The following KATNBL1 variants were observed in gnomAD, a reference collection of about 807,000 sequenced individuals.
KATNBL1 encodes the protein katanin regulatory subunit B1 like 1.
A neutral mutation model predicts 44.7 loss-of-function variants in KATNBL1; 28 were observed. The observed-to-expected ratio is 0.63, with a 90% CI of 0.46 to 0.86. The LOEUF (loss-of-function observed/expected upper bound fraction) is 0.86, where lower values mean the gene tolerates loss of function less well. KATNBL1 is among the 40% of genes least tolerant of loss of function. KATNBL1 has a pLI of 0.00. For missense variants in KATNBL1, 272 were observed against 350.7 expected, an observed-to-expected ratio of 0.78 and a Z score of 1.79; for synonymous variants, 78 against 114.9, an observed-to-expected ratio of 0.68 and a Z score of 2.06.
At chr15:34,143,793 CAAAAAAA>C (rs560420668) in intron 9 of KATNBL1, among the ~76,000 whole-genome samples, 16 of 64,156 alleles carry the variant, frequency 2.5e-4, no homozygotes, top group East Asian at 4.8e-4. Context: ...ACTAAAAATA[CAAAAAAA>C]AAAAAAAAAA....
chr15:34,195,900 T>C (rs1043382673), intron 1 of KATNBL1, among the ~76,000 whole-genome samples: 1 of 152,152 alleles, frequency 6.6e-6, no homozygotes, highest in East Asian at 1.9e-4. Flanking sequence ...AAAGTAACTT[T>C]GTGATTTATG....
At position 34,208,701 on chromosome 15, in the gene KATNBL1, C is replaced by T. The variant is rs567110908; in HGVS notation, c.-15+1250G>A. 2.0e-5 allele frequency: 3 copies of T among 152,330 alleles called. No homozygotes were observed. The South Asian group carries it at 6.2e-4, about 32-fold the overall frequency. 9.4% of individuals were successfully genotyped at this position (152,330 alleles called of 1,614,324 possible). ...AGTCAATGGATTTTTTGCTCAGGCA[C>T]AAACCTTAAGTATAATCATCAAGAG... On this transcript the variant is annotated intron_variant, in intron 1 of 9. Transcript: ENST00000256544.
intron 1 of KATNBL1, among the ~76,000 whole-genome samples, chr15:34,197,580 T>C (rs1265132909): frequency 6.6e-6 from 1 of 152,234 alleles, no homozygotes; most frequent in African/African-American, 2.4e-5. Context: ...TATGTGCATA[T>C]GTAGCACAGA....
intron 1 of KATNBL1, among the ~76,000 whole-genome samples, chr15:34,166,385 G>C (rs1048873919): frequency 2.0e-5 from 3 of 152,252 alleles, no homozygotes; most frequent in African/African-American, 7.2e-5. Context: ...GGCAGGGGGA[G>C]GGGCGTCCGC....
At chr15:34,181,593 C>CATATATAT (rs1567531922) in intron 1 of KATNBL1, among the ~76,000 whole-genome samples, 505 of 32,034 alleles carry the variant, frequency 0.016, 21 homozygotes, top group African/African-American at 0.029. Context: ...CATATATATA[C>CATATATAT]ACATATATAT....
Position 34,142,289 on chromosome 15 carries a change from A to G in KATNBL1, c.*50T>C. ...GACTTTTTTTTTTTGTAAATTATAC[A>G]GTTCAGGGATGTTTTGAAAAACCAA... On this transcript the variant is annotated 3_prime_UTR_variant, in exon 10 of 10. Coordinates refer to ENST00000256544, the MANE Select transcript of KATNBL1 (RefSeq NM_024713.3). 1.3e-6 allele frequency: 2 copies of G among 1,494,542 alleles called. No individual in the cohort carries two copies. Among genetic ancestry groups the G allele is most frequent in the Non-Finnish European group, 1.8e-6 (2 of 1,121,776 alleles). 92.6% of individuals were successfully genotyped at this position (1,494,542 alleles called of 1,614,324 possible).
chr15:34,143,621 T>A (rs1888216475), intron 9 of KATNBL1, among the ~76,000 whole-genome samples: 1 of 151,026 alleles, frequency 6.6e-6, no homozygotes, highest in African/African-American at 2.5e-5. Flanking sequence ...AAAAACTTTC[T>A]AGGAGATTGA....
chr15:34,145,200 T>A (rs781675029), intron 9 of KATNBL1, 198 bp downstream of exon 9: 25 of 1,373,602 alleles, frequency 1.8e-5, no homozygotes, highest in Non-Finnish European at 2.2e-5. Flanking sequence ...TGAAACATGT[T>A]CAATGGCCAA....
At chr15:34,159,392 T>C (rs1340965660) in intron 2 of KATNBL1, among the ~76,000 whole-genome samples, 2 of 152,126 alleles carry the variant, frequency 1.3e-5, no homozygotes, top group African/African-American at 4.8e-5. Flanking sequence ...GGGTGGGTGG[T>C]TTGGACTATC....
Position 34,154,975 on chromosome 15 carries a change from G to A in KATNBL1, c.118-291C>T, listed in dbSNP as rs1888596892. ...TGGGTATGAGGCAGAGTGGCGGGGT[G>A]AGCAGTTTAGGCAGGAAGGATGGTT... On this transcript the variant is annotated intron_variant, in intron 2 of 9. Transcript: ENST00000256544. 1.0e-5 allele frequency: 4 copies of A among 395,082 alleles called. No homozygotes were observed. The South Asian group carries it at 1.1e-4, about 11-fold the overall frequency. 24.5% of individuals were successfully genotyped at this position (395,082 alleles called of 1,614,324 possible).
intron 1 of KATNBL1, among the ~76,000 whole-genome samples, chr15:34,169,807 C>G (rs991512922): frequency 6.6e-6 from 1 of 152,190 alleles, no homozygotes; most frequent in Admixed American, 6.6e-5. Flanking sequence ...TAAACGTAAT[C>G]CATCGCATAA....
chr15:34,177,951 T>C (rs1889385583), intron 1 of KATNBL1: 4 of 152,222 alleles, frequency 2.6e-5, no homozygotes, highest in Admixed American at 2.6e-4. Context: ...GCAAAGGGTA[T>C]GTGTAGTTAT....
At chr15:34,191,289 TTAACA>T (rs1284721756) in intron 1 of KATNBL1, among the ~76,000 whole-genome samples, 1 of 151,702 alleles carries the variant, frequency 6.6e-6, no homozygotes, top group African/African-American at 2.4e-5. Flanking sequence ...TAACAGACTG[TTAACA>T]TAACAGTCTA....
chr15:34,161,565 C>A (rs1888807763), intron 2 of KATNBL1, among the ~76,000 whole-genome samples: 1 of 152,238 alleles, frequency 6.6e-6, no homozygotes, highest in Non-Finnish European at 1.5e-5. Context: ...TGCAAAAGCA[C>A]ACTGGACAAG....
chr15:34,174,695 G>C (rs1041896474), intron 1 of KATNBL1, among the ~76,000 whole-genome samples: 2 of 151,416 alleles, frequency 1.3e-5, no homozygotes, highest in African/African-American at 4.9e-5. Context: ...TCGCTTTGTC[G>C]CCCAGGTTGG....
chr15:34,146,390 C>T (rs1215153593), intron 8 of KATNBL1: 1 of 166,870 alleles, frequency 6.0e-6, no homozygotes, highest in Non-Finnish European at 1.3e-5. Context: ...AACATCAACA[C>T]CGGACTCTCA....
At chr15:34,207,441 C>T (rs1251903647) in intron 1 of KATNBL1, among the ~76,000 whole-genome samples, 1 of 152,144 alleles carries the variant, frequency 6.6e-6, no homozygotes, top group Non-Finnish European at 1.5e-5. Context: ...ATCTCCTGAC[C>T]TTGTGATCCA....
intron 2 of KATNBL1, 102 bp from the exon 3 acceptor site, chr15:34,154,786 T>A (rs953993399): frequency 2.5e-6 from 2 of 789,160 alleles, no homozygotes; most frequent in Admixed American, 4.3e-5. Flanking sequence ...GGCAATTTAC[T>A]TCTGCAGAAG....
intron 1 of KATNBL1, among the ~76,000 whole-genome samples, chr15:34,191,700 C>T (rs1479301131): frequency 2.0e-5 from 3 of 151,914 alleles, no homozygotes; most frequent in Non-Finnish European, 4.4e-5. Context: ...GTAATCCTAA[C>T]ACTTTGGGAG....
Sources: allele counts gnomAD v4.1 joint callset (sites outside exome capture counted in the v4.1 genomes callset), GRCh38; gene constraint gnomAD v4.1.1; transcripts MANE v1.5; gene names NCBI Gene and HGNC (gene_info 2026-07-23, HGNC 2026-07-21).